Variants in SGF29 observed in about 807,000 individuals in gnomAD.
SGF29 encodes the protein SAGA complex associated factor 29.
SGF29 carries 15 observed loss-of-function variants against 38.1 expected under a neutral mutation model. That is an observed-to-expected ratio of 0.39 (90% confidence interval 0.26 to 0.61). SGF29 has a LOEUF of 0.61. Among genes scored for constraint, SGF29 ranks in the 20% least tolerant of loss-of-function variants. The pLI, the probability that SGF29 is intolerant of heterozygous loss-of-function variation, is 0.49. For synonymous variants in SGF29, 151 were observed against 160.8 expected (o/e 0.94, Z 0.46); for missense variants, 184 against 394.6 (o/e 0.47, Z 4.52).
intron 1 of SGF29, among the ~76,000 whole-genome samples, chr16:28,567,382 A>G (rs1446563469): frequency 2.6e-5 from 4 of 152,316 alleles, no homozygotes; most frequent in African/African-American, 9.6e-5. Flanking sequence ...ATCTGCTGGC[A>G]CCATGATCAT....
intron 1 of SGF29, among the ~76,000 whole-genome samples, chr16:28,564,592 C>CGTATATGCATATAT (rs1250330592): frequency 9.6e-6 from 1 of 104,254 alleles, no homozygotes; most frequent in Non-Finnish European, 2.1e-5. Flanking sequence ...TATATATATA[C>CGTATATGCATATAT]ACACATATAT....
Position 28,581,087 on chromosome 16 carries a change from C to G in SGF29, c.18C>G (p.Ala6=). The G allele has an allele frequency of 6.2e-7, 1 of 1,613,966 alleles. No homozygotes were observed. The highest frequency in any genetic ancestry group is 1.1e-5 in the South Asian group (1 of 91,042). The change falls in exon 2 of 10, where the codon GCC becomes GCG. Residue 6 remains alanine, a synonymous_variant. Transcript: ENST00000317058. MALVS[A]DSRIAELLTE... ...TGTAGACAATGGCCCTCGTGTCTGC[C>G]GATTCCCGCATTGCAGAACTTCTCA...
intron 1 of SGF29, among the ~76,000 whole-genome samples, chr16:28,563,266 T>G (rs181969399): frequency 6.6e-6 from 1 of 152,268 alleles, no homozygotes; most frequent in East Asian, 1.9e-4. Context: ...TGTGTTGCCA[T>G]TCGCCAGATA....
intron 1 of SGF29, among the ~76,000 whole-genome samples, chr16:28,561,459 G>A (rs1477232379): frequency 6.6e-6 from 1 of 152,078 alleles, no homozygotes; most frequent in African/African-American, 2.4e-5. Context: ...CTTGAAACTT[G>A]GAGGTGGAGA....
chr16:28,560,648 T>C (rs990652610), intron 1 of SGF29, among the ~76,000 whole-genome samples: 1 of 145,664 alleles, frequency 6.9e-6, no homozygotes, highest in African/African-American at 2.5e-5. Context: ...CAGGAAAATA[T>C]GATCTGTGTT....
rs1483119432 is a variant in SGF29 at position 28,591,733 on chromosome 16, C to T, written c.*27C>T. On this transcript the variant is annotated 3_prime_UTR_variant, in exon 10 of 10. Coordinates refer to ENST00000317058, the MANE Select transcript of SGF29 (RefSeq NM_138414.3). The stretch of plus-strand genomic sequence containing the variant: ...GCCGCCTGGCAGACTCGCCATCCCC[C>T]AACGACACAGGGCAGGACAGCAGAG... The T allele has an allele frequency of 1.9e-6, 3 of 1,541,958 alleles. No individual in the cohort carries two copies. The highest frequency in any genetic ancestry group is 1.1e-5 in the South Asian group (1 of 89,312).
intron 1 of SGF29, among the ~76,000 whole-genome samples, chr16:28,563,682 T>TTG (rs529724081): frequency 6.3e-4 from 96 of 151,628 alleles, no homozygotes; most frequent in African/African-American, 2.0e-3. Context: ...TTACTCAGTT[T>TTG]TGTGTGTGTG....
chr16:28,560,570 C>T (rs1159699731), intron 1 of SGF29, among the ~76,000 whole-genome samples: 1 of 137,668 alleles, frequency 7.3e-6, no homozygotes, highest in Non-Finnish European at 1.5e-5. Context: ...GCCTGGGCAA[C>T]AGAGCGAGAC....
chr16:28,573,586 C>G (rs1419959418), intron 1 of SGF29, among the ~76,000 whole-genome samples: 1 of 152,178 alleles, frequency 6.6e-6, no homozygotes, highest in Non-Finnish European at 1.5e-5. Context: ...AGGATGAACT[C>G]TCCTCAATCA....
At chr16:28,575,029 A>G (rs776334389) in intron 1 of SGF29, among the ~76,000 whole-genome samples, 12 of 152,174 alleles carry the variant, frequency 7.9e-5, no homozygotes, top group Non-Finnish European at 1.6e-4. Flanking sequence ...AAGAGTACAT[A>G]CTTACCATAA....
rs1389747288 is a variant in SGF29 at position 28,589,491 on chromosome 16, C to T, written c.289+327C>T. On this transcript the variant is annotated intron_variant, in intron 5 of 9. Coordinates refer to ENST00000317058, the MANE Select transcript of SGF29 (RefSeq NM_138414.3). ...TTGCCCTGGCTGGTTTCTGCAGAGC[C>T]ACACGCTGTGTGTCGTAAAGCCAGC... 1.6e-5 allele frequency: 5 copies of T among 306,178 alleles called. No individual in the cohort carries two copies. The East Asian group carries it at 2.7e-4, about 17-fold the overall frequency. 19.0% of individuals were successfully genotyped at this position (306,178 alleles called of 1,614,324 possible).
At position 28,564,590 on chromosome 16, in the gene SGF29, TAC is replaced by T. The variant is rs201548938; in HGVS notation, c.-16+10499_-16+10500del. Among the ~76,000 whole-genome samples, 164 of 129,728 alleles carry T rather than the reference TAC, an allele frequency of 1.3e-3. 3 individuals carry two copies. The highest frequency in any genetic ancestry group is 3.9e-3 in the Middle Eastern group (1 of 256). 85.1% of individuals were successfully genotyped at this position (129,728 alleles called of 152,430 possible). On this transcript the variant is annotated intron_variant, in intron 1 of 9. Coordinates refer to ENST00000317058, the MANE Select transcript of SGF29 (RefSeq NM_138414.3). ...ACGTATATATATACACGTATATATA[TAC>T]ACACATATATGTGTATATATATACA...
Position 28,564,779 on chromosome 16 carries a change from A to ATG in SGF29, c.-16+10683_-16+10684insGT, listed in dbSNP as rs1567286253. ...TGTATATATGTATATATATGTATAT[A>ATG]TATATATACACACACACACACACAC... On this transcript the variant is annotated intron_variant, in intron 1 of 9. Coordinates refer to ENST00000317058, the MANE Select transcript of SGF29 (RefSeq NM_138414.3). Among the ~76,000 whole-genome samples, 199 of 126,716 alleles carry ATG rather than the reference A, an allele frequency of 1.6e-3. 4 individuals are homozygous for ATG. The highest frequency in any genetic ancestry group is 7.6e-3 in the Middle Eastern group (2 of 264). The allele number at this position is 126,716 out of a possible 152,430, so 83.1% of individuals were successfully genotyped here. A position where few individuals can be genotyped will look rare whatever the true frequency, so the allele number is the denominator to read the frequency against.
At chr16:28,555,708 G>A (rs1052718520) in intron 1 of SGF29, among the ~76,000 whole-genome samples, 1 of 152,214 alleles carries the variant, frequency 6.6e-6, no homozygotes, top group African/African-American at 2.4e-5. Flanking sequence ...TGTTTCACCA[G>A]CTATCTGGGA....
chr16:28,587,956 C>A (rs940026122), intron 4 of SGF29, among the ~76,000 whole-genome samples: 1 of 152,128 alleles, frequency 6.6e-6, no homozygotes, highest in Non-Finnish European at 1.5e-5. Context: ...CCCGCCACCA[C>A]GCCGGGCTAA....
intron 3 of SGF29, chr16:28,585,433 C>T (rs1242155814): frequency 5.0e-6 from 3 of 599,114 alleles, no homozygotes; most frequent in Non-Finnish European, 9.0e-6. Flanking sequence ...AGACAGTACT[C>T]TCGCAGATGT....
Position 28,591,758 on chromosome 16 carries a change from G to A in SGF29, c.*52G>A. The A allele has an allele frequency of 7.0e-7, 1 of 1,421,514 alleles. No individual in the cohort carries two copies. The highest frequency in any genetic ancestry group is 9.9e-7 in the Non-Finnish European group (1 of 1,010,918). 88.1% of individuals were successfully genotyped at this position (1,421,514 alleles called of 1,614,324 possible). A position where few individuals can be genotyped will look rare whatever the true frequency, so the allele number is the denominator to read the frequency against. Reference sequence around the variant, plus strand: ...CAACGACACAGGGCAGGACAGCAGAGGACGTGCTGGGATTAAACACATTCC... The same window carrying A: ...CAACGACACAGGGCAGGACAGCAGAAGACGTGCTGGGATTAAACACATTCC... On this transcript the variant is annotated 3_prime_UTR_variant, in exon 10 of 10. Coordinates refer to ENST00000317058, the MANE Select transcript of SGF29 (RefSeq NM_138414.3).
intron 1 of SGF29, among the ~76,000 whole-genome samples, chr16:28,578,498 G>A (rs555832389): frequency 6.6e-6 from 1 of 152,160 alleles, no homozygotes; most frequent in African/African-American, 2.4e-5. Flanking sequence ...ATCAGGTTGA[G>A]GAGGTTACCC....
rs186533619 is a variant in SGF29 at position 28,585,544 on chromosome 16, G to A, written c.152-104G>A. The A allele has an allele frequency of 2.1e-4, 221 of 1,040,856 alleles. 2 individuals are homozygous for A. In the African/African-American group the frequency reaches 2.6e-3, roughly 12 times the overall value. 64.5% of individuals were successfully genotyped at this position (1,040,856 alleles called of 1,614,324 possible). On this transcript the variant is annotated intron_variant, in intron 3 of 9. Transcript: ENST00000317058. ...CCAGCAGAGCTCTGACTGCAGCTAC[G>A]GCCTCTCTGTGCCTCCACGAGTGTG...
Sources: allele counts gnomAD v4.1 joint callset (sites outside exome capture counted in the v4.1 genomes callset), GRCh38; gene constraint gnomAD v4.1.1; transcripts MANE v1.5; gene names NCBI Gene and HGNC (gene_info 2026-07-23, HGNC 2026-07-21).